SGCD: variants seen among roughly 807,000 people sequenced by gnomAD.
The protein encoded by SGCD is sarcoglycan delta.
A neutral mutation model predicts 36.6 loss-of-function variants in SGCD; 18 were observed. The observed-to-expected ratio is 0.49, with a 90% confidence interval of 0.34 to 0.73. The LOEUF is 0.73. Among genes scored for constraint, SGCD ranks in the 30% least tolerant of loss-of-function variants. The probability of loss-of-function intolerance (pLI) is 0.01; values close to 1 mark genes in which losing one functional copy is unlikely to be tolerated. For missense variants in SGCD, 387 were observed against 346.7 expected, an observed-to-expected ratio of 1.12 and a Z score of -0.92; for synonymous variants, 133 against 130.6, an observed-to-expected ratio of 1.02 and a Z score of -0.12.
At chr5:156,502,469 G>C (rs560635214) in intron 3 of SGCD, among the ~76,000 whole-genome samples, 1 of 152,166 alleles carries the variant, frequency 6.6e-6, no homozygotes, top group East Asian at 1.9e-4. Context: ...TGAGTAGCTG[G>C]GACTACAGGT....
intron 7 of SGCD, among the ~76,000 whole-genome samples, chr5:156,740,737 C>CTCCT (rs946289011): frequency 6.6e-6 from 1 of 152,160 alleles, no homozygotes; most frequent in Admixed American, 6.5e-5. Flanking sequence ...TCTCAACCAC[C>CTCCT]TCCTTAAAGA....
At chr5:156,037,125 C>T (rs1248314754) in intron 1 of SGCD, among the ~76,000 whole-genome samples, 1 of 152,172 alleles carries the variant, frequency 6.6e-6, no homozygotes, top group Non-Finnish European at 1.5e-5. Flanking sequence ...AATTACAACA[C>T]AGACATGTAA....
intron 3 of SGCD, among the ~76,000 whole-genome samples, chr5:156,388,925 T>C (rs1771421133): frequency 6.6e-6 from 1 of 152,228 alleles, no homozygotes; most frequent in Non-Finnish European, 1.5e-5. Flanking sequence ...TTGTACAATC[T>C]ACTAGGATCT....
chr5:155,893,137 A>G (rs1476898762), intron 1 of SGCD, among the ~76,000 whole-genome samples: 2 of 152,206 alleles, frequency 1.3e-5, no homozygotes, highest in Non-Finnish European at 2.9e-5. Flanking sequence ...TCTCAATACA[A>G]AGACACCGTA....
intron 3 of SGCD, among the ~76,000 whole-genome samples, chr5:156,359,030 GGAAGA>G (rs1459493675): frequency 1.3e-5 from 2 of 151,994 alleles, no homozygotes; most frequent in Non-Finnish European, 2.9e-5. Context: ...AAGCTAAAAG[GGAAGA>G]GAAAAGAATC....
At chr5:156,439,212 C>A (rs1407179571) in intron 3 of SGCD, among the ~76,000 whole-genome samples, 6 of 152,056 alleles carry the variant, frequency 3.9e-5, no homozygotes, top group Non-Finnish European at 4.4e-5. Context: ...CTTTGCAACC[C>A]CTTTTTCCAT....
At chr5:156,051,066 A>G (rs962281087) in intron 1 of SGCD, among the ~76,000 whole-genome samples, 1 of 146,660 alleles carries the variant, frequency 6.8e-6, no homozygotes, top group Non-Finnish European at 1.5e-5. Context: ...ACTAGAAACT[A>G]ATATTATAGC....
At chr5:156,310,058 G>A (rs1429008595) in intron 3 of SGCD, among the ~76,000 whole-genome samples, 1 of 151,954 alleles carries the variant, frequency 6.6e-6, no homozygotes, top group African/African-American at 2.4e-5. Flanking sequence ...GGCTATTTTT[G>A]TACCCAGAAT....
At chr5:156,576,845 A>G (rs992043305) in intron 4 of SGCD, among the ~76,000 whole-genome samples, 1 of 151,796 alleles carries the variant, frequency 6.6e-6, no homozygotes, top group Non-Finnish European at 1.5e-5. Context: ...GATTGCAACA[A>G]TTTTCTCCCA....
intron 3 of SGCD, among the ~76,000 whole-genome samples, chr5:156,441,432 G>A (rs2312182): frequency 0.63 from 96,004 of 152,084 alleles, 30,498 homozygotes; most frequent in Middle Eastern, 0.85. Context: ...CATGTGATAC[G>A]TAGTGCATGC....
chr5:156,226,093 G>T (rs1681433014), intron 3 of SGCD, among the ~76,000 whole-genome samples: 1 of 151,956 alleles, frequency 6.6e-6, no homozygotes, highest in South Asian at 2.1e-4. Flanking sequence ...ATAGGTTACT[G>T]GGGGGACAGG....
At chr5:155,855,763 T>G in the SGCD span, among the ~76,000 whole-genome samples, 1 of 152,136 alleles carries the variant, frequency 6.6e-6, no homozygotes, top group Non-Finnish European at 1.5e-5. Context: ...ACAGGTGGAA[T>G]CAACAGTCTT....
At chr5:156,638,025 A>C (rs1762894412) in intron 6 of SGCD, among the ~76,000 whole-genome samples, 1 of 151,494 alleles carries the variant, frequency 6.6e-6, no homozygotes, top group Non-Finnish European at 1.5e-5. Flanking sequence ...TTAATGTTTC[A>C]ATTTCTTTCA....
chr5:156,073,049 T>G (rs1022020344), intron 1 of SGCD, among the ~76,000 whole-genome samples: 1 of 152,140 alleles, frequency 6.6e-6, no homozygotes. Context: ...TTTTTCAAAG[T>G]TTTCAACTTC....
At chr5:156,628,616 A>G (rs1762518157) in intron 6 of SGCD, among the ~76,000 whole-genome samples, 1 of 152,228 alleles carries the variant, frequency 6.6e-6, no homozygotes, top group African/African-American at 2.4e-5. Context: ...TTGACAAGTA[A>G]AACTGATTTA....
rs148255283 is a variant in SGCD, at chr5:156,489,840, A to C, written c.193-18761A>C. Among the ~76,000 whole-genome samples the C allele has an allele frequency of 4.7e-3, 721 of 152,070 alleles. 4 individuals carry two copies. The highest frequency in any genetic ancestry group is 8.2e-3 in the Admixed American group (126 of 15,276). On this transcript the variant is annotated intron_variant, in intron 3 of 8. Coordinates refer to ENST00000337851, the MANE Select transcript of SGCD (RefSeq NM_000337.6). ...AAAAGCAGGAATAAACCAATCCCAA[A>C]ATTAGTAGAAGGAAAACAAATAATA...
At chr5:156,654,582 G>A (rs1382400645) in intron 7 of SGCD, among the ~76,000 whole-genome samples, 1 of 152,022 alleles carries the variant, frequency 6.6e-6, no homozygotes, top group African/African-American at 2.4e-5. Context: ...GTCTCCAAAG[G>A]CCTTAAATTT....
intron 1 of SGCD, among the ~76,000 whole-genome samples, chr5:156,034,432 G>A (rs182719343): frequency 1.3e-5 from 2 of 152,320 alleles, no homozygotes; most frequent in Admixed American, 6.5e-5. Flanking sequence ...GAACAATGAA[G>A]CTTCAAAGCT....
intron 3 of SGCD, among the ~76,000 whole-genome samples, chr5:156,247,469 G>A (rs1366414738): frequency 6.6e-6 from 1 of 152,180 alleles, no homozygotes; most frequent in Non-Finnish European, 1.5e-5. Flanking sequence ...AAGAATGTAG[G>A]GAAACCAGGT....
Sources: gnomAD v4.1 joint callset for allele counts (sites outside exome capture counted in the v4.1 genomes callset) on GRCh38, gnomAD v4.1.1 for gene constraint, MANE v1.5 for transcripts, NCBI Gene and HGNC (gene_info 2026-07-23, HGNC 2026-07-21) for gene names.